Variants in SLC18B1 observed in about 807,000 individuals in gnomAD.
The protein encoded by SLC18B1 is MFS-type transporter SLC18B1.
SLC18B1 carries 62 observed loss-of-function variants against 53.9 expected under a neutral mutation model. That is an observed-to-expected ratio of 1.15 (90% CI 0.94 to 1.42). The LOEUF (loss-of-function observed/expected upper bound fraction) is 1.42, where lower values mean the gene tolerates loss of function less well. Among genes scored for constraint, SLC18B1 ranks in the 40% most tolerant of loss-of-function variants. The pLI, the probability that SLC18B1 is intolerant of heterozygous loss-of-function variation, is 0.00. For synonymous variants in SLC18B1, 217 were observed against 200.9 expected (o/e 1.08, Z -0.68); for missense variants, 598 against 547.3 (o/e 1.09, Z -0.93).
At chr6:132,771,395 A>T (rs1022698287) in intron 11 of SLC18B1, among the ~76,000 whole-genome samples, 18 of 152,214 alleles carry the variant, frequency 1.2e-4, no homozygotes, top group Non-Finnish European at 2.4e-4. Flanking sequence ...AAACAGATTT[A>T]AAAAATTCTT....
intron 3 of SLC18B1, 41 bp from the exon 4 acceptor site, chr6:132,789,878 C>T (rs890922154): frequency 7.8e-6 from 11 of 1,402,504 alleles, no homozygotes; most frequent in African/African-American, 4.3e-5. Context: ...TTTATGACTT[C>T]CGAAAGTCTA....
intron 10 of SLC18B1, 84 bp downstream of exon 10, chr6:132,772,909 C>A: frequency 2.1e-6 from 2 of 953,296 alleles, no homozygotes; most frequent in Non-Finnish European, 1.6e-6. Flanking sequence ...ATCCAACATG[C>A]TGCAAAATTG....
chr6:132,776,031 T>G (rs2114663840), intron 8 of SLC18B1, among the ~76,000 whole-genome samples: 1 of 152,282 alleles, frequency 6.6e-6, no homozygotes, highest in Middle Eastern at 3.4e-3. Flanking sequence ...ATCGCACCAC[T>G]GCACTCCAGT....
At chr6:132,772,328 T>G (rs56391066) in intron 10 of SLC18B1, 122 bp from the exon 11 acceptor site, 13,153 of 536,866 alleles carry the variant, frequency 0.024, 218 homozygotes, top group Non-Finnish European at 0.034. Context: ...ACAGCAAGAA[T>G]ACTCTGCTTC....
intron 8 of SLC18B1, among the ~76,000 whole-genome samples, chr6:132,775,458 C>A (rs1781074809): frequency 6.6e-6 from 1 of 152,148 alleles, no homozygotes; most frequent in Admixed American, 6.5e-5. Flanking sequence ...GTCTGAAAAC[C>A]AAGCTCCAAA....
At chr6:132,775,494 A>G (rs73550455) in intron 8 of SLC18B1, among the ~76,000 whole-genome samples, 17,824 of 152,092 alleles carry the variant, frequency 0.12, 1,893 homozygotes, top group African/African-American at 0.28. Flanking sequence ...TTGCTTTTTG[A>G]CATCTGGGTT....
rs1227846467 is a variant in SLC18B1 at position 132,798,500 on chromosome 6, C to A, written c.-44G>T. ...GGCGCCCCAGCTCCCGGCTTCAAGC[C>A]ACGTCCTTGGACTCGACCTCCAAGG... is the stretch of plus-strand genomic sequence containing the variant. On this transcript the variant is annotated 5_prime_UTR_variant, in exon 1 of 14. Transcript: ENST00000275227. 7 of 1,460,316 alleles carry A rather than the reference C, an allele frequency of 4.8e-6. No homozygotes were observed. The highest frequency in any genetic ancestry group is 6.4e-6 in the Non-Finnish European group (7 of 1,100,966). 90.5% of individuals were successfully genotyped at this position (1,460,316 alleles called of 1,614,324 possible).
At chr6:132,773,780 T>G (rs1159042685) in intron 9 of SLC18B1, among the ~76,000 whole-genome samples, 1 of 151,960 alleles carries the variant, frequency 6.6e-6, no homozygotes, top group Non-Finnish European at 1.5e-5. Flanking sequence ...GCAACTAAAT[T>G]ACATTAAGCA....
At chr6:132,773,761 T>C (rs986089612) in intron 9 of SLC18B1, among the ~76,000 whole-genome samples, 1 of 152,204 alleles carries the variant, frequency 6.6e-6, no homozygotes, top group Non-Finnish European at 1.5e-5. Context: ...AGAAGTTCAG[T>C]TTATTTTAGC....
chr6:132,792,231 G>C (rs1475759668), intron 2 of SLC18B1, among the ~76,000 whole-genome samples: 3 of 1,734 alleles, frequency 1.7e-3, no homozygotes, highest in African/African-American at 9.6e-3. Context: ...CTGTCAGAAA[G>C]AAAGAAAGAA....
intron 5 of SLC18B1, among the ~76,000 whole-genome samples, chr6:132,784,361 A>G (rs1781315922): frequency 6.6e-6 from 1 of 152,204 alleles, no homozygotes; most frequent in Admixed American, 6.5e-5. Flanking sequence ...TTACATGAAA[A>G]TACGAAAACT....
At chr6:132,772,873 T>C (rs73772948) in intron 10 of SLC18B1, 120 bp downstream of exon 10, 4 of 649,668 alleles carry the variant, frequency 6.2e-6, no homozygotes, top group Non-Finnish European at 1.1e-5. Context: ...TACAAAATCA[T>C]GAAGATTTAA....
intron 5 of SLC18B1, among the ~76,000 whole-genome samples, chr6:132,785,043 A>T (rs1781333392): frequency 1.8e-5 from 2 of 109,694 alleles, no homozygotes; most frequent in Non-Finnish European, 3.6e-5. Flanking sequence ...CTGTCCAGTT[A>T]AAAAAAAAAA....
rs768791783 is a variant in SLC18B1 at position 132,770,227 on chromosome 6, A to T, written c.*43T>A. ...TCCTACGGTGATGTTTAAGGCCAGG[A>T]GCATTCATTTCTCAACCTTGTATCA... On this transcript the variant is annotated 3_prime_UTR_variant, in exon 14 of 14. Transcript: ENST00000275227. The T allele has an allele frequency of 3.9e-5, 59 of 1,518,864 alleles. 1 individual carries two copies. The Admixed American group carries it at 8.7e-4, about 22-fold the overall frequency. The allele number at this position is 1,518,864 out of a possible 1,614,324, so 94.1% of individuals were successfully genotyped here. A position where few individuals can be genotyped will look rare whatever the true frequency, so the allele number is the denominator to read the frequency against.
chr6:132,784,526 A>G (rs1781320946), intron 5 of SLC18B1, among the ~76,000 whole-genome samples: 1 of 152,244 alleles, frequency 6.6e-6, no homozygotes, highest in Non-Finnish European at 1.5e-5. Context: ...TAGATGGAAT[A>G]CAAAGATCTT....
chr6:132,770,876 A>C lies in SLC18B1; in HGVS notation c.1304+14T>G, dbSNP rs1780951125. 3 of 1,598,802 alleles carry C rather than the reference A, an allele frequency of 1.9e-6. No individual in the cohort carries two copies. Among genetic ancestry groups the C allele is most frequent in the African/African-American group, 1.4e-5 (1 of 73,624 alleles). On this transcript the variant is annotated intron_variant, in intron 13 of 13. Coordinates refer to ENST00000275227, the MANE Select transcript of SLC18B1 (RefSeq NM_052831.3). ...CTTTTAAAGAGAGAAAAAAAGCCCC[A>C]AAATTGACCATACCTTTTTCTCCTT...
rs1128998 is a variant in SLC18B1 at position 132,770,907 on chromosome 6, C to A, written c.1287G>T (p.Glu429Asp). 6.2e-7 allele frequency: 1 copy of A among 1,611,226 alleles called. No individual in the cohort carries two copies. Among genetic ancestry groups the A allele is most frequent in the Admixed American group, 1.7e-5 (1 of 59,312 alleles). Reference protein sequence around the residue: ...GLAMGLFYLLEYSRRKRSKSQ... With the variant: ...GLAMGLFYLLDYSRRKRSKSQ... ...GACCATACCTTTTTCTCCTTGAATA[C>A]TCCAGTAGATAAAACAAGCCCATGG... is the stretch of plus-strand genomic sequence containing the variant. The change falls in exon 13 of 14, where the codon GAG becomes GAT. Residue 429 changes from glutamate (E) to aspartate (D), a missense_variant. By Grantham distance (45) the Glu-to-Asp change is conservative (BLOSUM62 2). Coordinates refer to ENST00000275227, the MANE Select transcript of SLC18B1 (RefSeq NM_052831.3).
At chr6:132,776,555 C>T in intron 7 of SLC18B1, 126 bp from the exon 8 acceptor site, 1 of 665,130 alleles carries the variant, frequency 1.5e-6, no homozygotes. Flanking sequence ...CTGCATTTTC[C>T]TAATTTTCAT....
intron 1 of SLC18B1, among the ~76,000 whole-genome samples, chr6:132,797,367 A>G (rs1024968001): frequency 1.3e-5 from 2 of 152,210 alleles, no homozygotes; most frequent in Non-Finnish European, 2.9e-5. Context: ...TGGGAGGCCG[A>G]GGCAGGCGGA....
Sources: allele counts gnomAD v4.1 joint callset (sites outside exome capture counted in the v4.1 genomes callset), GRCh38; gene constraint gnomAD v4.1.1; transcripts MANE v1.5; gene names NCBI Gene and HGNC (gene_info 2026-07-23, HGNC 2026-07-21).